Variants in SHANK2 observed in about 807,000 individuals in gnomAD.
SHANK2 encodes the protein SH3 and multiple ankyrin repeat domains protein 2.
Under a neutral mutation model 133.7 loss-of-function variants are expected in SHANK2, and 43 were observed. The observed-to-expected ratio is 0.32, with a 90% CI of 0.25 to 0.41. The LOEUF (loss-of-function observed/expected upper bound fraction) is 0.41. SHANK2 is among the 10% of genes least tolerant of loss of function. The pLI is 1.00. For synonymous variants in SHANK2, 1,017 were observed against 952.8 expected (o/e 1.07, Z -1.24); for missense variants, 1,994 against 2,235.8 (o/e 0.89, Z 2.18).
At chr11:70,858,493 A>T (rs538815315) in intron 11 of SHANK2, among the ~76,000 whole-genome samples, 94 of 152,328 alleles carry the variant, frequency 6.2e-4, no homozygotes, top group African/African-American at 2.1e-3. Flanking sequence ...AGCAAGGCAG[A>T]TTCCAACCTG....
chr11:70,715,804 G>A (rs1555027107), intron 14 of SHANK2, among the ~76,000 whole-genome samples: 1 of 152,210 alleles, frequency 6.6e-6, no homozygotes, highest in Non-Finnish European at 1.5e-5. Flanking sequence ...CCAGAAGGAT[G>A]CCTGGCGAAT....
In SHANK2 at chr11:70,781,558, T is replaced by TTTTATATATATATA. The variant is rs1555045156; in HGVS notation, c.1777+16884_1777+16885insTATATATATATAAA. ...AAGCAGCTTGCAATTTACTTACTTA[T>TTTTATATATATATA]TATATATATATATATATATATATAT... On this transcript the variant is annotated intron_variant, in intron 14 of 25. Transcript: ENST00000601538. Among the ~76,000 whole-genome samples the TTTTATATATATATA allele has an allele frequency of 8.0e-3, 233 of 28,964 alleles. 6 individuals are homozygous for TTTTATATATATATA. The highest frequency in any genetic ancestry group is 0.02 in the African/African-American group (195 of 9,594). The allele number at this position is 28,964 out of a possible 152,430, so 19.0% of individuals were successfully genotyped here.
intron 17 of SHANK2, among the ~76,000 whole-genome samples, chr11:70,519,845 C>T (rs1554970720): frequency 6.6e-6 from 1 of 151,746 alleles, no homozygotes; most frequent in Non-Finnish European, 1.5e-5. Flanking sequence ...GAGTGATTCT[C>T]TCATCTCGGC....
chr11:70,489,699 C>T (rs2058858116), intron 23 of SHANK2: 2 of 381,058 alleles, frequency 5.2e-6, no homozygotes, highest in East Asian at 5.5e-5. Context: ...GGGACTGTCT[C>T]AAAGGGTCAA....
chr11:70,586,967 C>T (rs145915338), intron 17 of SHANK2, among the ~76,000 whole-genome samples: 4 of 152,278 alleles, frequency 2.6e-5, no homozygotes, highest in Admixed American at 6.5e-5. Context: ...AACGTCACTC[C>T]GAAGATTGTT....
At chr11:70,694,387 G>A (rs1200226272) in intron 15 of SHANK2, among the ~76,000 whole-genome samples, 1 of 152,226 alleles carries the variant, frequency 6.6e-6, no homozygotes, top group Non-Finnish European at 1.5e-5. Flanking sequence ...TTTGACATAA[G>A]AGGAGGTTGG....
intron 10 of SHANK2, among the ~76,000 whole-genome samples, chr11:70,909,309 C>A (rs1465206349): frequency 2.0e-5 from 3 of 152,166 alleles, no homozygotes; most frequent in Non-Finnish European, 2.9e-5. Flanking sequence ...TTCTACTTGG[C>A]CTCCAGGAAC....
chr11:70,826,668 A>G (rs1322256798), intron 11 of SHANK2: 1 of 381,946 alleles, frequency 2.6e-6, no homozygotes, highest in African/African-American at 2.1e-5. Flanking sequence ...GGCATGCCAG[A>G]CCCAGCGTGC....
At chr11:70,852,227 G>T (rs186019889) in intron 11 of SHANK2, among the ~76,000 whole-genome samples, 2 of 152,336 alleles carry the variant, frequency 1.3e-5, no homozygotes, top group East Asian at 3.9e-4. Context: ...TTTGCACAGT[G>T]CCAGATTGTA....
chr11:70,558,390 C>T (rs751244087), intron 17 of SHANK2, among the ~76,000 whole-genome samples: 7 of 152,378 alleles, frequency 4.6e-5, no homozygotes, highest in African/African-American at 1.2e-4. Context: ...TCGGCGTGCA[C>T]GACCCAGCCC....
intron 22 of SHANK2, among the ~76,000 whole-genome samples, chr11:70,491,987 G>A (rs1307146878): frequency 6.6e-6 from 1 of 152,228 alleles, no homozygotes; most frequent in Non-Finnish European, 1.5e-5. Flanking sequence ...GAGCATTTCT[G>A]TGCTCTGGGT....
intron 17 of SHANK2, among the ~76,000 whole-genome samples, chr11:70,629,062 A>G (rs1348676239): frequency 1.3e-5 from 2 of 152,164 alleles, no homozygotes; most frequent in African/African-American, 2.4e-5. Flanking sequence ...GGTTTCAGGC[A>G]TGTGCGCGCC....
chr11:71,183,292 AT>A (rs533012164), intron 2 of SHANK2, among the ~76,000 whole-genome samples: 46 of 152,248 alleles, frequency 3.0e-4, no homozygotes, highest in African/African-American at 9.6e-4. Context: ...GAGACCCTGG[AT>A]GGAACAGGCT....
chr11:70,656,472 G>A (rs147840384), intron 17 of SHANK2, among the ~76,000 whole-genome samples: 16 of 152,184 alleles, frequency 1.1e-4, no homozygotes, highest in East Asian at 3.9e-4. Flanking sequence ...GGCATTCTCC[G>A]CAGGGGCATT....
chr11:70,617,454 G>GCGAGGAA (rs1347958163), intron 17 of SHANK2, among the ~76,000 whole-genome samples: 1 of 151,448 alleles, frequency 6.6e-6, no homozygotes, highest in South Asian at 2.1e-4. Flanking sequence ...AGAAAGAAAC[G>GCGAGGAA]CGAGGAACGG....
intron 14 of SHANK2, among the ~76,000 whole-genome samples, chr11:70,775,177 G>T (rs1385626327): frequency 6.6e-6 from 1 of 152,108 alleles, no homozygotes; most frequent in Non-Finnish European, 1.5e-5. Flanking sequence ...GAAAAAATTG[G>T]CTGGGTGTGG....
intron 14 of SHANK2, among the ~76,000 whole-genome samples, chr11:70,737,330 G>C (rs1476227189): frequency 1.3e-5 from 2 of 152,238 alleles, no homozygotes; most frequent in African/African-American, 4.8e-5. Context: ...CCAGCTTCCT[G>C]TGAGGTGGCA....
In SHANK2 at chr11:71,079,685, G is replaced by A. The variant is rs994210468; in HGVS notation, c.913-4410C>T. ...TGAGGCGGGAGAATGGCGTGAACCCGGGAGGCGGAGCTTGCAGTGAGCCAA... is the reference window on the plus strand; with the variant it reads ...TGAGGCGGGAGAATGGCGTGAACCCAGGAGGCGGAGCTTGCAGTGAGCCAA... On this transcript the variant is annotated intron_variant, in intron 8 of 25. Coordinates refer to ENST00000601538, the MANE Select transcript of SHANK2 (RefSeq NM_012309.5). 2.1e-4 allele frequency among the ~76,000 whole-genome samples: 32 copies of A among 151,198 alleles called. No homozygotes were observed. In the South Asian group the frequency reaches 3.2e-3, roughly 15 times the overall value.
At chr11:70,657,045 C>T (rs1190847555) in intron 17 of SHANK2, among the ~76,000 whole-genome samples, 1 of 152,194 alleles carries the variant, frequency 6.6e-6, no homozygotes, top group Non-Finnish European at 1.5e-5. Context: ...TAAAAGCCAA[C>T]ATTCACTTCA....
Sources: gnomAD v4.1 joint callset for allele counts (sites outside exome capture counted in the v4.1 genomes callset) on GRCh38, gnomAD v4.1.1 for gene constraint, MANE v1.5 for transcripts, NCBI Gene and HGNC (gene_info 2026-07-23, HGNC 2026-07-21) for gene names.